Variants in RIC1 observed in about 807,000 individuals in gnomAD.
The protein encoded by RIC1 is guanine nucleotide exchange factor subunit RIC1.
Under a neutral mutation model 169.0 loss-of-function variants are expected in RIC1, and 88 were observed. That is an observed-to-expected ratio of 0.52 (90% CI 0.44 to 0.62). The LOEUF is 0.62. Ranked by LOEUF, RIC1 falls within the 20% of genes least tolerant of loss-of-function variation. The pLI is 0.00. For missense variants in RIC1, 1,877 were observed against 1,725.5 expected (o/e 1.09, Z -1.56); for synonymous variants, 790 against 601.5 (o/e 1.31, Z -4.59).
At chr9:5,749,446 G>A (rs1205904102) in intron 12 of RIC1, among the ~76,000 whole-genome samples, 1 of 152,118 alleles carries the variant, frequency 6.6e-6, no homozygotes, top group Non-Finnish European at 1.5e-5. Flanking sequence ...TAGTTGCCTG[G>A]TTTAATTTGC....
chr9:5,629,379 C>A lies in RIC1; in HGVS notation c.70C>A (p.His24Asn). 1 of 1,533,738 alleles carries A rather than the reference C, an allele frequency of 6.5e-7. No individual in the cohort carries two copies. The highest frequency in any genetic ancestry group is 8.7e-7 in the Non-Finnish European group (1 of 1,146,016). The change falls in exon 1 of 26, where the codon CAC becomes AAC. Residue 24 changes from histidine (H) to asparagine (N), a missense_variant. Physicochemically the swap from His to Asn is moderately conservative, Grantham distance 68 (BLOSUM62 1). Coordinates refer to ENST00000414202, the MANE Select transcript of RIC1 (RefSeq NM_020829.4). ...PLGSPAEAPFHVQSDPQRAFF... is the reference protein window; with the variant it reads ...PLGSPAEAPFNVQSDPQRAFF... ...GGGGAGCCCGGCCGAGGCGCCTTTC[C>A]ACGTTCAGTCCGACCCGCAGAGGGC...
intron 19 of RIC1, 37 bp from the exon 20 acceptor site, chr9:5,765,377 A>G: frequency 6.3e-7 from 1 of 1,581,802 alleles, no homozygotes; most frequent in Non-Finnish European, 8.6e-7. Context: ...CAAATTGTGT[A>G]GTATAAAAAG....
Position 5,762,523 on chromosome 9 carries a change from C to G in RIC1, c.1993-18C>G, listed in dbSNP as rs1586709033. ...CGATACAGAAGTATGAATTTAGCTG[C>G]TTTTTCTTAAATTTCAGGCTCGTGG... On this transcript the variant is annotated intron_variant, in intron 17 of 25. Coordinates refer to ENST00000414202, the MANE Select transcript of RIC1 (RefSeq NM_020829.4). 2 of 1,612,284 alleles carry G rather than the reference C, an allele frequency of 1.2e-6. No homozygotes were observed. The highest frequency in any genetic ancestry group is 4.5e-5 in the East Asian group (2 of 44,826).
intron 2 of RIC1, among the ~76,000 whole-genome samples, chr9:5,658,824 T>G (rs1256844904): frequency 6.8e-6 from 1 of 148,128 alleles, no homozygotes; most frequent in Admixed American, 6.6e-5. Flanking sequence ...AAAGTTTTTT[T>G]GTTTTTTTTT....
chr9:5,742,156 C>T (rs1296080599), intron 8 of RIC1, among the ~76,000 whole-genome samples: 5 of 152,084 alleles, frequency 3.3e-5, no homozygotes, highest in Non-Finnish European at 7.4e-5. Context: ...TTTTCTCATT[C>T]TCTCTTATAC....
At chr9:5,680,876 G>C (rs936277212) in intron 2 of RIC1, among the ~76,000 whole-genome samples, 4 of 128,034 alleles carry the variant, frequency 3.1e-5, no homozygotes, top group African/African-American at 1.2e-4. Flanking sequence ...GCCCAGGCTG[G>C]AGTGCAGTGG....
At chr9:5,685,303 G>A (rs1018375091) in intron 2 of RIC1, among the ~76,000 whole-genome samples, 1 of 150,984 alleles carries the variant, frequency 6.6e-6, no homozygotes, top group African/African-American at 2.4e-5. Flanking sequence ...AACCAAAAAA[G>A]AGCCCGCATC....
At chr9:5,692,363 G>A (rs1821635073) in intron 3 of RIC1, among the ~76,000 whole-genome samples, 1 of 152,008 alleles carries the variant, frequency 6.6e-6, no homozygotes, top group Admixed American at 6.6e-5. Context: ...CATATTTAAT[G>A]CTTAGGTAAG....
At chr9:5,739,912 G>A (rs1469624293) in intron 8 of RIC1, among the ~76,000 whole-genome samples, 2 of 152,126 alleles carry the variant, frequency 1.3e-5, no homozygotes, top group African/African-American at 4.8e-5. Context: ...TGGTGAGGCT[G>A]TGCATGCACC....
intron 2 of RIC1, among the ~76,000 whole-genome samples, chr9:5,658,847 A>C (rs1819271912): frequency 6.7e-6 from 1 of 148,462 alleles, no homozygotes; most frequent in Non-Finnish European, 1.5e-5. Flanking sequence ...ACCGAGACTG[A>C]CTTTTTTTTT....
At chr9:5,670,947 A>ACAGGAC (rs1820053173) in intron 2 of RIC1, among the ~76,000 whole-genome samples, 1 of 152,188 alleles carries the variant, frequency 6.6e-6, no homozygotes, top group Non-Finnish European at 1.5e-5. Flanking sequence ...GAGTAGGACC[A>ACAGGAC]CAGGACCAGG....
intron 2 of RIC1, among the ~76,000 whole-genome samples, chr9:5,660,000 C>T (rs140233252): frequency 6.6e-5 from 10 of 152,222 alleles, no homozygotes; most frequent in East Asian, 3.9e-4. Flanking sequence ...CCTCATCCTG[C>T]GCCCTGCCCC....
chr9:5,774,297 C>T lies in RIC1; in HGVS notation c.*51C>T. 6.7e-7 allele frequency: 1 copy of T among 1,486,522 alleles called. No homozygotes were observed. Among genetic ancestry groups the T allele is most frequent in the South Asian group, 1.3e-5 (1 of 75,992 alleles). 92.1% of individuals were successfully genotyped at this position (1,486,522 alleles called of 1,614,324 possible). A position where few individuals can be genotyped will look rare whatever the true frequency, so the allele number is the denominator to read the frequency against. On this transcript the variant is annotated 3_prime_UTR_variant, in exon 26 of 26. Transcript: ENST00000414202. ...AGTATTAATTAGCAGCAGCGTGCAG[C>T]TCAGTACGTTGTAACATAGTTGGAT...
chr9:5,689,812 T>A (rs1407394160), intron 2 of RIC1, 147 bp from the exon 3 acceptor site: 20 of 552,980 alleles, frequency 3.6e-5, no homozygotes, highest in Non-Finnish European at 6.2e-5. Context: ...AAAAGTCGCT[T>A]CTATTTGCAT....
intron 3 of RIC1, among the ~76,000 whole-genome samples, chr9:5,712,041 C>T (rs1449299401): frequency 8.5e-5 from 13 of 152,066 alleles, no homozygotes; most frequent in Admixed American, 1.3e-4. Context: ...AACATACATG[C>T]GCATGTGTCT....
chr9:5,631,940 A>G (rs762110666), intron 1 of RIC1, among the ~76,000 whole-genome samples: 11 of 152,204 alleles, frequency 7.2e-5, no homozygotes, highest in Non-Finnish European at 1.0e-4. Flanking sequence ...TTAAAGGGCT[A>G]TCAGTTATAC....
chr9:5,661,338 A>AT (rs1819436337), intron 2 of RIC1, among the ~76,000 whole-genome samples: 1 of 152,116 alleles, frequency 6.6e-6, no homozygotes, highest in Admixed American at 6.5e-5. Context: ...TTCCATATGA[A>AT]TTTTAAAATA....
intron 2 of RIC1, among the ~76,000 whole-genome samples, chr9:5,658,278 A>G (rs575976220): frequency 6.6e-6 from 1 of 152,274 alleles, no homozygotes; most frequent in East Asian, 1.9e-4. Context: ...AGCTATGCCA[A>G]AAGAATATAA....
chr9:5,637,611 G>T (rs562066991), intron 1 of RIC1, among the ~76,000 whole-genome samples: 3 of 152,066 alleles, frequency 2.0e-5, no homozygotes, highest in African/African-American at 7.2e-5. Context: ...TATCCCCCCA[G>T]TTACCTTTCT....
Sources: allele counts gnomAD v4.1 joint callset (sites outside exome capture counted in the v4.1 genomes callset), GRCh38; gene constraint gnomAD v4.1.1; transcripts MANE v1.5; gene names NCBI Gene and HGNC (gene_info 2026-07-23, HGNC 2026-07-21).